AFDN: variants seen among roughly 807,000 people sequenced by gnomAD.
AFDN encodes afadin, adherens junction formation factor.
AFDN carries 68 observed loss-of-function variants against 216.6 expected under a neutral mutation model. The observed-to-expected ratio is 0.31, with a 90% CI of 0.26 to 0.38. The LOEUF (loss-of-function observed/expected upper bound fraction) is 0.38. Ranked by LOEUF, AFDN falls within the 10% of genes least tolerant of loss-of-function variation. AFDN has a pLI of 1.00. For synonymous variants in AFDN, 868 were observed against 853.7 expected, an observed-to-expected ratio of 1.02 and a Z score of -0.29; for missense variants, 2,136 against 2,342.0, an observed-to-expected ratio of 0.91 and a Z score of 1.82.
At chr6:167,870,595 T>C in intron 3 of AFDN, 97 bp downstream of exon 3, 1 of 659,118 alleles carries the variant, frequency 1.5e-6, no homozygotes, top group Non-Finnish European at 2.5e-6. Context: ...TCCTTCTCTT[T>C]TTTGCTTCTC....
Position 167,915,391 on chromosome 6 carries a change from G to T in AFDN, c.2523G>T (p.Gly841=), listed in dbSNP as rs200446416. 6.2e-7 allele frequency: 1 copy of T among 1,614,170 alleles called. No individual in the cohort carries two copies. The highest frequency in any genetic ancestry group is 8.5e-7 in the Non-Finnish European group (1 of 1,180,018). ...TTGAAGCCTGGGCTGAGAAGCAGGG[G>T]CTGGAACTGGCTGCGGACTGTCATC... The part of the protein sequence containing the change: ...GHIEAWAEKQ[G]LELAADCHLS... Residue 841 remains glycine, a synonymous_variant, in exon 19 of 34, where the codon GGG becomes GGT. Transcript: ENST00000683244.
intron 21 of AFDN, among the ~76,000 whole-genome samples, chr6:167,921,986 C>T (rs899931881): frequency 6.6e-6 from 1 of 152,198 alleles, no homozygotes; most frequent in African/African-American, 2.4e-5. Context: ...GAAAACTCCT[C>T]ACCAGTCCAA....
chr6:167,969,635 C>A, intron 33 of AFDN, 147 bp from the exon 34 acceptor site: 1 of 697,392 alleles, frequency 1.4e-6, no homozygotes, highest in Non-Finnish European at 2.3e-6. Flanking sequence ...AAATACAGCC[C>A]CTGTGATTTC....
rs140402346 is a variant in AFDN, at chr6:167,939,099, T to C, written c.3100-4030T>C. Among the ~76,000 whole-genome samples, 184 of 152,336 alleles carry C rather than the reference T, an allele frequency of 1.2e-3. 3 individuals are homozygous for C. Among genetic ancestry groups the C allele is most frequent in the African/African-American group, 4.3e-3 (180 of 41,564 alleles). ...CATACCAGAAATGGAGGAAGGAGGC[T>C]TGATTTATTGTTCTAAAATATATAT... On this transcript the variant is annotated intron_variant, in intron 23 of 33. Transcript: ENST00000683244.
Position 167,827,194 on chromosome 6 carries a change from A to G in AFDN, c.62A>G (p.Asn21Ser). The G allele has an allele frequency of 7.7e-7, 1 of 1,298,644 alleles. No individual in the cohort carries two copies. The highest frequency in any genetic ancestry group is 5.8e-5 in the East Asian group (1 of 17,166). 80.4% of individuals were successfully genotyped at this position (1,298,644 alleles called of 1,614,324 possible). ...CTGGCCGACATCATCCACCACTGGA[A>G]CGCCAACCGGCTGGACCTGTTCGAG... ...RKLADIIHHW[N>S]ANRLDLFEIS... The change falls in exon 1 of 34, where the codon AAC (asparagine) becomes AGC (serine). Residue 21 changes from asparagine to serine, a missense_variant. By Grantham distance (46) the Asn-to-Ser change is conservative. Transcript: ENST00000683244.
chr6:167,827,308 C>T lies in AFDN; in HGVS notation c.105+71C>T, dbSNP rs1779214641. 11 of 594,002 alleles carry T rather than the reference C, an allele frequency of 1.9e-5. No individual in the cohort carries two copies. The South Asian group carries it at 3.6e-4, about 19-fold the overall frequency. 36.8% of individuals were successfully genotyped at this position (594,002 alleles called of 1,614,324 possible). ...GCCGCGCCCCGCCCCTCCCCCCCGC[C>T]GCCGCCCGCCAGCCGCGGACCCGCC... On this transcript the variant is annotated intron_variant, in intron 1 of 33. Transcript: ENST00000683244.
At chr6:167,947,625 C>T (rs1562726163) in intron 27 of AFDN, among the ~76,000 whole-genome samples, 1 of 152,162 alleles carries the variant, frequency 6.6e-6, no homozygotes, top group East Asian at 1.9e-4. Context: ...TGGCCTGATA[C>T]ACAGAGCTAC....
Position 167,969,829 on chromosome 6 carries a change from C to T in AFDN, c.5390C>T (p.Thr1797Ile). Reference sequence around the variant, plus strand: ...AGTTCTGGGGCCCCTGAAAACTTGACATTCAAGGAACGCCAGCGTCTTTTT... The same window carrying T: ...AGTTCTGGGGCCCCTGAAAACTTGATATTCAAGGAACGCCAGCGTCTTTTT... ...PGSSGAPENLTFKERQRLFSQ... is the reference protein window; with the variant it reads ...PGSSGAPENLIFKERQRLFSQ... Residue 1797 changes from threonine (T) to isoleucine (I), a missense_variant, in exon 34 of 34, where the codon ACA becomes ATA. Thr to Ile is a moderately conservative substitution (Grantham distance 89, BLOSUM62 -1). Coordinates refer to ENST00000683244, the MANE Select transcript of AFDN (RefSeq NM_001386888.1). 1.9e-6 allele frequency: 3 copies of T among 1,612,922 alleles called. No individual in the cohort carries two copies. Among genetic ancestry groups the T allele is most frequent in the Non-Finnish European group, 2.5e-6 (3 of 1,179,686 alleles).
chr6:167,842,303 A>T (rs1479895692), intron 1 of AFDN, among the ~76,000 whole-genome samples: 1 of 150,216 alleles, frequency 6.7e-6, no homozygotes, highest in African/African-American at 2.5e-5. Flanking sequence ...TTCTTTCCTT[A>T]TCTCCCTTAG....
intron 30 of AFDN, among the ~76,000 whole-genome samples, chr6:167,956,989 C>A (rs567987006): frequency 2.6e-5 from 4 of 152,220 alleles, no homozygotes; most frequent in African/African-American, 9.6e-5. Flanking sequence ...CTTAGACAGG[C>A]GGTCTAAGTT....
chr6:167,890,524 G>T (rs1787429753), intron 7 of AFDN, among the ~76,000 whole-genome samples: 1 of 151,176 alleles, frequency 6.6e-6, no homozygotes, highest in South Asian at 2.1e-4. Flanking sequence ...GTTTTTATAT[G>T]TATGAATGTA....
intron 9 of AFDN, 143 bp downstream of exon 9, chr6:167,894,049 C>T (rs930664474): frequency 1.5e-6 from 1 of 649,950 alleles, no homozygotes; most frequent in East Asian, 2.9e-5. Context: ...AATGTACTGT[C>T]ATTTTATTTG....
At chr6:167,872,113 T>G (rs1169129747) in intron 3 of AFDN, 101 bp from the exon 4 acceptor site, 11 of 1,100,856 alleles carry the variant, frequency 1.0e-5, no homozygotes, top group Non-Finnish European at 4.0e-6. Context: ...GTAGCTTTGT[T>G]CACATGTTCG....
At chr6:167,966,115 C>T in intron 32 of AFDN, 70 bp downstream of exon 32, 3 of 1,536,070 alleles carry the variant, frequency 2.0e-6, no homozygotes, top group Non-Finnish European at 2.6e-6. Flanking sequence ...AAACCACGGC[C>T]ACCCCCCTGC....
At chr6:167,868,805 C>T (rs1327191145) in intron 2 of AFDN, among the ~76,000 whole-genome samples, 1 of 149,826 alleles carries the variant, frequency 6.7e-6, no homozygotes, top group African/African-American at 2.5e-5. Context: ...CTTTGTCACC[C>T]AGAGTGGAGT....
intron 15 of AFDN, among the ~76,000 whole-genome samples, chr6:167,912,772 A>G (rs73032775): frequency 2.0e-4 from 31 of 152,288 alleles, no homozygotes; most frequent in African/African-American, 5.1e-4. Flanking sequence ...TTATCAAACA[A>G]GTCTTTTAAA....
chr6:167,877,674 TC>T (rs1455118398), intron 5 of AFDN, among the ~76,000 whole-genome samples: 8 of 152,214 alleles, frequency 5.3e-5, no homozygotes, highest in African/African-American at 1.9e-4. Flanking sequence ...ACAAATAACT[TC>T]CTCTGAAAAA....
chr6:167,934,959 A>T (rs1024075293), intron 23 of AFDN, among the ~76,000 whole-genome samples: 9 of 152,226 alleles, frequency 5.9e-5, no homozygotes, highest in African/African-American at 2.2e-4. Flanking sequence ...AAAGCAACTT[A>T]TAGGTGCGTG....
intron 1 of AFDN, among the ~76,000 whole-genome samples, chr6:167,837,988 A>T (rs183394075): frequency 6.6e-6 from 1 of 152,248 alleles, no homozygotes; most frequent in African/African-American, 2.4e-5. Flanking sequence ...TTTATTTCAT[A>T]CATAAATACA....
Sources: allele counts gnomAD v4.1 joint callset (sites outside exome capture counted in the v4.1 genomes callset), GRCh38; gene constraint gnomAD v4.1.1; transcripts MANE v1.5; gene names NCBI Gene and HGNC (gene_info 2026-07-23, HGNC 2026-07-21).